Variants in FRMD3 observed in about 807,000 individuals in gnomAD.
FRMD3 encodes FERM domain-containing protein 3.
A neutral mutation model predicts 70.2 loss-of-function variants in FRMD3; 33 were observed. The ratio of observed to expected loss-of-function variants is 0.47; its 90% CI spans 0.36 to 0.63. The LOEUF is 0.63. Ranked by LOEUF, FRMD3 falls within the 20% of genes least tolerant of loss-of-function variation. The pLI is 0.00. For missense variants in FRMD3, 632 were observed against 711.4 expected (o/e 0.89, Z 1.27); for synonymous variants, 279 against 255.9 (o/e 1.09, Z -0.86).
At chr9:83,410,976 A>AC (rs1254265310) in intron 1 of FRMD3, among the ~76,000 whole-genome samples, 1 of 152,162 alleles carries the variant, frequency 6.6e-6, no homozygotes. Flanking sequence ...CAAATGGTAC[A>AC]TTTTGCTGTC....
chr9:83,395,236 G>A (rs1418928790), intron 1 of FRMD3, among the ~76,000 whole-genome samples: 2 of 149,138 alleles, frequency 1.3e-5, no homozygotes, highest in African/African-American at 5.0e-5. Flanking sequence ...GAAGTTAAGT[G>A]GAATAGTATT....
In FRMD3 at chr9:83,488,178, C is replaced by T. The variant is rs200575089; in HGVS notation, c.147+49907G>A. Among the ~76,000 whole-genome samples the T allele has an allele frequency of 2.4e-4, 37 of 152,270 alleles. 1 individual carries two copies. In the East Asian group the frequency reaches 2.7e-3, roughly 11 times the overall value. On this transcript the variant is annotated intron_variant, in intron 1 of 13. Transcript: ENST00000304195. The stretch of plus-strand genomic sequence containing the variant: ...GTAATGCTTGTCTGCAATCCTATTA[C>T]GGCTATGTAATTTATATACAACTAA...
intron 1 of FRMD3, among the ~76,000 whole-genome samples, chr9:83,446,919 A>G (rs10868009): frequency 0.44 from 67,361 of 151,994 alleles, 15,323 homozygotes; most frequent in African/African-American, 0.55. Flanking sequence ...TCTCAACAAC[A>G]AATTACACCT....
chr9:83,341,365 G>T (rs1255670481), intron 5 of FRMD3, among the ~76,000 whole-genome samples: 1 of 152,120 alleles, frequency 6.6e-6, no homozygotes, highest in Admixed American at 6.5e-5. Context: ...AGGCTCCGTG[G>T]CTTTATTTCA....
At chr9:83,262,391 C>T (rs1167772114) in intron 13 of FRMD3, among the ~76,000 whole-genome samples, 1 of 152,164 alleles carries the variant, frequency 6.6e-6, no homozygotes, top group Non-Finnish European at 1.5e-5. Context: ...GCAAACTCTG[C>T]CACCTTCTTC....
chr9:83,358,998 C>G (rs967808649), intron 3 of FRMD3, among the ~76,000 whole-genome samples: 2 of 152,006 alleles, frequency 1.3e-5, no homozygotes, highest in Non-Finnish European at 2.9e-5. Context: ...CATGACTGCT[C>G]TCTTCTACAT....
intron 2 of FRMD3, among the ~76,000 whole-genome samples, chr9:83,376,727 C>A (rs1293565077): frequency 6.6e-6 from 1 of 151,762 alleles, no homozygotes; most frequent in East Asian, 1.9e-4. Context: ...AGGCATGAGC[C>A]ACCACACCTG....
intron 1 of FRMD3, among the ~76,000 whole-genome samples, chr9:83,536,392 A>C (rs1375204998): frequency 6.6e-6 from 1 of 152,172 alleles, no homozygotes; most frequent in African/African-American, 2.4e-5. Context: ...AGGGCAGAAG[A>C]GGGCTGAGAG....
At chr9:83,322,374 T>C (rs1835834100) in intron 6 of FRMD3, among the ~76,000 whole-genome samples, 1 of 151,874 alleles carries the variant, frequency 6.6e-6, no homozygotes, top group Non-Finnish European at 1.5e-5. Context: ...AGGCAAGCAG[T>C]GTGGACGAGA....
chr9:83,274,510 T>C (rs12003055), intron 13 of FRMD3, among the ~76,000 whole-genome samples: 32,035 of 152,148 alleles, frequency 0.21, 3,963 homozygotes, highest in African/African-American at 0.35. Flanking sequence ...TCAATTTACC[T>C]GGTGCAGCAA....
intron 1 of FRMD3, among the ~76,000 whole-genome samples, chr9:83,508,743 C>G (rs1176712115): frequency 6.6e-6 from 1 of 152,146 alleles, no homozygotes; most frequent in Non-Finnish European, 1.5e-5. Context: ...CAAACTGCAG[C>G]ACGTGCCCAA....
At chr9:83,277,288 C>G (rs1833824763) in intron 13 of FRMD3, among the ~76,000 whole-genome samples, 1 of 152,280 alleles carries the variant, frequency 6.6e-6, no homozygotes, top group Non-Finnish European at 1.5e-5. Flanking sequence ...GGATTCTACA[C>G]ATTTATAACA....
chr9:83,531,027 T>TG lies in FRMD3; in HGVS notation c.147+7057dup, dbSNP rs1314061793. Among the ~76,000 whole-genome samples, 3 of 152,322 alleles carry TG rather than the reference T, an allele frequency of 2.0e-5. No homozygotes were observed. The East Asian group carries it at 5.8e-4, about 29-fold the overall frequency. On this transcript the variant is annotated intron_variant, in intron 1 of 13. Transcript: ENST00000304195. ...TGTGACCTGGGAGGTCCCATCAGAA[T>TG]GACTGCACACTTCTGTTTGGGATGC...
intron 1 of FRMD3, among the ~76,000 whole-genome samples, chr9:83,429,816 G>C (rs550347657): frequency 6.6e-6 from 1 of 152,018 alleles, no homozygotes; most frequent in East Asian, 1.9e-4. Context: ...ATTTGTTCAG[G>C]GATCTCATTC....
At chr9:83,522,628 A>T (rs1170137949) in intron 1 of FRMD3, among the ~76,000 whole-genome samples, 1 of 147,982 alleles carries the variant, frequency 6.8e-6, no homozygotes, top group Non-Finnish European at 1.5e-5. Flanking sequence ...CAGTGTAGCG[A>T]TCTCGGCTCA....
the FRMD3 span, among the ~76,000 whole-genome samples, chr9:83,568,939 G>GATACATAC: frequency 2.0e-4 from 25 of 122,374 alleles, no homozygotes; most frequent in Non-Finnish European, 3.0e-4. Flanking sequence ...TAGATAGATA[G>GATACATAC]ATAGATAGAT....
intron 13 of FRMD3, among the ~76,000 whole-genome samples, chr9:83,272,620 G>A (rs1039290867): frequency 1.0e-5 from 1 of 98,414 alleles, no homozygotes; most frequent in Non-Finnish European, 2.1e-5. Context: ...TGGGAAGTGA[G>A]GAGCGCCTCT....
intron 6 of FRMD3, among the ~76,000 whole-genome samples, chr9:83,321,851 G>T (rs1332210663): frequency 6.6e-6 from 1 of 152,044 alleles, no homozygotes. Context: ...TTGAATGGGG[G>T]TGCACTGATT....
rs192038153 is a variant in FRMD3 at position 83,357,098 on chromosome 9, A to C, written c.296-7341T>G. Among the ~76,000 whole-genome samples the C allele has an allele frequency of 3.4e-4, 47 of 138,070 alleles. 1 individual carries two copies. In the East Asian group the frequency reaches 7.5e-3, roughly 22 times the overall value. 90.6% of individuals were successfully genotyped at this position (138,070 alleles called of 152,430 possible). On this transcript the variant is annotated intron_variant, in intron 3 of 13. Transcript: ENST00000304195. ...GAGTAGTATTCCATGGTGTATATAT[A>C]TATCTATCCATCATGGTAATATATA... is the stretch of plus-strand genomic sequence containing the variant.
Sources: gnomAD v4.1 joint callset for allele counts (sites outside exome capture counted in the v4.1 genomes callset) on GRCh38, gnomAD v4.1.1 for gene constraint, MANE v1.5 for transcripts, NCBI Gene and HGNC (gene_info 2026-07-23, HGNC 2026-07-21) for gene names.